The following SAP30L variants were observed in gnomAD, a reference collection of about 807,000 sequenced individuals.
The protein encoded by SAP30L is histone deacetylase complex subunit SAP30L.
Under a neutral mutation model 22.3 loss-of-function variants are expected in SAP30L, and 10 were observed. The observed-to-expected ratio is 0.45, with a 90% CI of 0.28 to 0.76. SAP30L has a LOEUF of 0.76. SAP30L is among the 30% of genes least tolerant of loss of function. The probability of loss-of-function intolerance (pLI) is 0.14; values close to 1 mark genes in which losing one functional copy is unlikely to be tolerated. For synonymous variants in SAP30L, 91 were observed against 94.1 expected (o/e 0.97, Z 0.19); for missense variants, 206 against 237.9 (o/e 0.87, Z 0.88).
Position 154,455,899 on chromosome 5 carries a change from G to A in SAP30L, c.424-1G>A, listed in dbSNP as rs1400651204. ...AACTTTGGTATTTTCCCCCCACATAGACTGTGAGTCGACACTTCAGGAACA... is the reference window on the plus strand; with the variant it reads ...AACTTTGGTATTTTCCCCCCACATAAACTGTGAGTCGACACTTCAGGAACA... On this transcript the variant is annotated splice_acceptor_variant, in intron 3 of 3. Transcript: ENST00000297109. LOFTEE classifies it high-confidence loss of function. 2 of 1,610,456 alleles carry A rather than the reference G, an allele frequency of 1.2e-6. No homozygotes were observed. The highest frequency in any genetic ancestry group is 1.7e-5 in the Admixed American group (1 of 58,924).
Position 154,456,072 on chromosome 5 carries a change from A to G in SAP30L, c.*44A>G, listed in dbSNP as rs756614411. 7 of 1,595,010 alleles carry G rather than the reference A, an allele frequency of 4.4e-6. No homozygotes were observed. The highest frequency in any genetic ancestry group is 6.0e-6 in the Non-Finnish European group (7 of 1,170,440). On this transcript the variant is annotated 3_prime_UTR_variant, in exon 4 of 4. Coordinates refer to ENST00000297109, the MANE Select transcript of SAP30L (RefSeq NM_024632.6). ...AGGAATGAAGTGTAATGCTTGATGCACAGGTGATATCTACTACATTTAAGC... is the reference window on the plus strand; with the variant it reads ...AGGAATGAAGTGTAATGCTTGATGCGCAGGTGATATCTACTACATTTAAGC...
chr5:154,451,948 G>A (rs747353524), intron 2 of SAP30L, among the ~76,000 whole-genome samples: 37 of 152,122 alleles, frequency 2.4e-4, no homozygotes, highest in Admixed American at 2.0e-4. Context: ...GAACCACTGC[G>A]CTAGACCATG....
chr5:154,447,487 T>C lies in SAP30L; in HGVS notation c.201+682T>C, dbSNP rs114789167. On this transcript the variant is annotated intron_variant, in intron 1 of 3. Transcript: ENST00000297109. The stretch of plus-strand genomic sequence containing the variant: ...GATTGCCCTGCTCTTTGTGGCTTAT[T>C]ATAGGAAACTCCTCCCGTGTGACTT... Among the ~76,000 whole-genome samples the C allele has an allele frequency of 6.5e-3, 995 of 152,348 alleles. 15 individuals carry two copies. The highest frequency in any genetic ancestry group is 0.022 in the African/African-American group (935 of 41,572).
At position 154,446,557 on chromosome 5, in the gene SAP30L, T is replaced by G; in HGVS notation, c.-48T>G. 1 of 1,352,560 alleles carries G rather than the reference T, an allele frequency of 7.4e-7. No homozygotes were observed. The highest frequency in any genetic ancestry group is 3.1e-5 in the East Asian group (1 of 32,682). The allele number at this position is 1,352,560 out of a possible 1,614,324, so 83.8% of individuals were successfully genotyped here. On this transcript the variant is annotated 5_prime_UTR_variant, in exon 1 of 4. Transcript: ENST00000297109. ...CCCCGCGGCAAGCGCGGCCGCGGAG[T>G]GGCCTACCGGGGACCCTCCCCCAGA...
At chr5:154,451,456 T>G (rs1165598495) in intron 2 of SAP30L, 8 of 525,522 alleles carry the variant, frequency 1.5e-5, no homozygotes, top group Non-Finnish European at 2.7e-5. Context: ...GTATATAGTT[T>G]GGAGGCTCTA....
chr5:154,453,328 T>C (rs1200714085), intron 2 of SAP30L, 74 bp from the exon 3 acceptor site: 4 of 1,006,232 alleles, frequency 4.0e-6, no homozygotes, highest in East Asian at 2.4e-5. Flanking sequence ...AGTGTAGTGC[T>C]AGGCACATAG....
intron 1 of SAP30L, among the ~76,000 whole-genome samples, chr5:154,450,619 C>G (rs1181057397): frequency 6.6e-6 from 1 of 152,184 alleles, no homozygotes; most frequent in Non-Finnish European, 1.5e-5. Flanking sequence ...GCCCACCCCC[C>G]TGATGCCTCA....
Position 154,456,022 on chromosome 5 carries a change from T to C in SAP30L, c.546T>C (p.Leu182=). The C allele has an allele frequency of 6.2e-7, 1 of 1,613,704 alleles. No individual in the cohort carries two copies. The highest frequency in any genetic ancestry group is 8.5e-7 in the Non-Finnish European group (1 of 1,179,826). The change falls in exon 4 of 4, where the codon CTT becomes CTC. Residue 182 remains leucine, a synonymous_variant. Transcript: ENST00000297109. ...AGAAATCGGAGGGTGGCAAGCAGCT[T>C]GAGTGAGGATGAAGCACATCTTAAA... ...LDQKSEGGKQ[L]E
At chr5:154,448,826 A>G (rs1757079700) in intron 1 of SAP30L, among the ~76,000 whole-genome samples, 2 of 152,242 alleles carry the variant, frequency 1.3e-5, no homozygotes, top group South Asian at 2.1e-4. Context: ...TAAGGTTTCC[A>G]GGTGGAATCA....
chr5:154,455,774 G>C (rs994358526), intron 3 of SAP30L, 126 bp from the exon 4 acceptor site: 1 of 1,219,694 alleles, frequency 8.2e-7, no homozygotes, highest in Admixed American at 2.5e-5. Context: ...ATGGCAGGAA[G>C]TTCTTCAGCA....
chr5:154,451,274 C>A, intron 2 of SAP30L, 61 bp downstream of exon 2: 2 of 1,555,528 alleles, frequency 1.3e-6, no homozygotes, highest in Admixed American at 4.0e-5. Context: ...TGATTCTCAC[C>A]TCTGGCCTGG....
In SAP30L at chr5:154,457,232, A is replaced by C. The variant is rs182777778; in HGVS notation, c.*1204A>C. 6.6e-6 allele frequency: 1 copy of C among 152,356 alleles called. No homozygotes were observed. Among genetic ancestry groups the C allele is most frequent in the East Asian group, 1.9e-4 (1 of 5,192 alleles). 9.4% of individuals were successfully genotyped at this position (152,356 alleles called of 1,614,324 possible). ...CTCAATCTAATTATATCAGAGCCAA[A>C]GTATCCTGTGAAAACAAAGCTTTAT... On this transcript the variant is annotated 3_prime_UTR_variant, in exon 4 of 4. Transcript: ENST00000297109.
rs530837769 is a variant in SAP30L, at chr5:154,459,357, G to A, written c.*3329G>A. 12 of 152,358 alleles carry A rather than the reference G, an allele frequency of 7.9e-5. No individual in the cohort carries two copies. Among genetic ancestry groups the A allele is most frequent in the South Asian group, 4.1e-4 (2 of 4,820 alleles). 9.4% of individuals were successfully genotyped at this position (152,358 alleles called of 1,614,324 possible). A position where few individuals can be genotyped will look rare whatever the true frequency, so the allele number is the denominator to read the frequency against. ...CCGAGGACAGAGAACCCACTACCTC[G>A]TGGAGAAGCCTGTTCTTTGTAAACC... is the stretch of plus-strand genomic sequence containing the variant. On this transcript the variant is annotated 3_prime_UTR_variant, in exon 4 of 4. Coordinates refer to ENST00000297109, the MANE Select transcript of SAP30L (RefSeq NM_024632.6).
rs922811941 is a variant in SAP30L, at chr5:154,456,740, G to T, written c.*712G>T. The stretch of plus-strand genomic sequence containing the variant: ...AGTTTCTGATCAGATAAGGATTTCA[G>T]GACAGTTGCATGTGCAAAACTATTC... On this transcript the variant is annotated 3_prime_UTR_variant, in exon 4 of 4. Transcript: ENST00000297109. 1 of 152,272 alleles carries T rather than the reference G, an allele frequency of 6.6e-6. No homozygotes were observed. The highest frequency in any genetic ancestry group is 2.4e-5 in the African/African-American group (1 of 41,466). The allele number at this position is 152,272 out of a possible 1,614,324, so 9.4% of individuals were successfully genotyped here. A position where few individuals can be genotyped will look rare whatever the true frequency, so the allele number is the denominator to read the frequency against.
chr5:154,456,154 A>C lies in SAP30L; in HGVS notation c.*126A>C. On this transcript the variant is annotated 3_prime_UTR_variant, in exon 4 of 4. Coordinates refer to ENST00000297109, the MANE Select transcript of SAP30L (RefSeq NM_024632.6). ...AAAAAGTTTGAATGATGAATACTGTAAATCTTTTTGGTCAGGAGGATTATA... is the reference window on the plus strand; with the variant it reads ...AAAAAGTTTGAATGATGAATACTGTCAATCTTTTTGGTCAGGAGGATTATA... 1.0e-6 allele frequency: 1 copy of C among 981,570 alleles called. No individual in the cohort carries two copies. The highest frequency in any genetic ancestry group is 1.4e-6 in the Non-Finnish European group (1 of 698,606). 60.8% of individuals were successfully genotyped at this position (981,570 alleles called of 1,614,324 possible).
rs1036276471 is a variant in SAP30L, at chr5:154,460,840, C to G, written c.*4812C>G. On this transcript the variant is annotated 3_prime_UTR_variant, in exon 4 of 4. Coordinates refer to ENST00000297109, the MANE Select transcript of SAP30L (RefSeq NM_024632.6). ...AACTGCCTTATTGAAAAGTAAGTGC[C>G]CTTCCATTCCAGGCCTCCTCATATT... is the stretch of plus-strand genomic sequence containing the variant. 4 of 152,128 alleles carry G rather than the reference C, an allele frequency of 2.6e-5. No individual in the cohort carries two copies. The highest frequency in any genetic ancestry group is 9.7e-5 in the African/African-American group (4 of 41,394). The allele number at this position is 152,128 out of a possible 1,614,324, so 9.4% of individuals were successfully genotyped here.
In SAP30L at chr5:154,446,528, C is replaced by G; in HGVS notation, c.-77C>G. On this transcript the variant is annotated 5_prime_UTR_variant, in exon 1 of 4. Coordinates refer to ENST00000297109, the MANE Select transcript of SAP30L (RefSeq NM_024632.6). ...CCCTCGGCTGCGGGGGTCTCAGCGA[C>G]CTGCCCCGCGGCAAGCGCGGCCGCG... is the stretch of plus-strand genomic sequence containing the variant. The G allele has an allele frequency of 8.0e-7, 1 of 1,244,926 alleles. No homozygotes were observed. Among genetic ancestry groups the G allele is most frequent in the Non-Finnish European group, 1.1e-6 (1 of 951,804 alleles). The allele number at this position is 1,244,926 out of a possible 1,614,324, so 77.1% of individuals were successfully genotyped here. A position where few individuals can be genotyped will look rare whatever the true frequency, so the allele number is the denominator to read the frequency against.
rs1315001827 is a variant in SAP30L at position 154,460,841 on chromosome 5, C to G, written c.*4813C>G. The stretch of plus-strand genomic sequence containing the variant: ...ACTGCCTTATTGAAAAGTAAGTGCC[C>G]TTCCATTCCAGGCCTCCTCATATTG... On this transcript the variant is annotated 3_prime_UTR_variant, in exon 4 of 4. Coordinates refer to ENST00000297109, the MANE Select transcript of SAP30L (RefSeq NM_024632.6). 6.6e-6 allele frequency: 1 copy of G among 152,154 alleles called. No homozygotes were observed. Among genetic ancestry groups the G allele is most frequent in the Non-Finnish European group, 1.5e-5 (1 of 68,072 alleles). The allele number at this position is 152,154 out of a possible 1,614,324, so 9.4% of individuals were successfully genotyped here. A position where few individuals can be genotyped will look rare whatever the true frequency, so the allele number is the denominator to read the frequency against.
intron 1 of SAP30L, among the ~76,000 whole-genome samples, chr5:154,447,656 A>G (rs937393747): frequency 2.0e-5 from 3 of 152,240 alleles, no homozygotes; most frequent in African/African-American, 7.2e-5. Context: ...TTTAATATTC[A>G]GGTAGACTAG....
Sources: allele counts gnomAD v4.1 joint callset (sites outside exome capture counted in the v4.1 genomes callset), GRCh38; gene constraint gnomAD v4.1.1; transcripts MANE v1.5; gene names NCBI Gene and HGNC (gene_info 2026-07-23, HGNC 2026-07-21).